ZNF385D: variants seen among roughly 807,000 people sequenced by gnomAD.
The protein encoded by ZNF385D is zinc finger protein 385D.
A neutral mutation model predicts 35.8 loss-of-function variants in ZNF385D; 15 were observed. The ratio of observed to expected loss-of-function variants is 0.42; its 90% CI spans 0.28 to 0.64. The LOEUF (loss-of-function observed/expected upper bound fraction) is 0.64, where lower values mean the gene tolerates loss of function less well. ZNF385D is among the 30% of genes least tolerant of loss of function. The probability of loss-of-function intolerance (pLI) is 0.23; values close to 1 mark genes in which losing one functional copy is unlikely to be tolerated. For missense variants in ZNF385D, 474 were observed against 494.6 expected (o/e 0.96, Z 0.39); for synonymous variants, 212 against 186.8 (o/e 1.13, Z -1.10).
chr3:21,542,414 C>G (rs2062204911), intron 3 of ZNF385D, among the ~76,000 whole-genome samples: 1 of 150,128 alleles, frequency 6.7e-6, no homozygotes, highest in African/African-American at 2.5e-5. Context: ...GTGGTGTGAT[C>G]AGTACCCATT....
rs1317614605 is a variant in ZNF385D, at chr3:22,324,646, T to A, written c.106+47804A>T. Among the ~76,000 whole-genome samples the A allele has an allele frequency of 2.0e-5, 3 of 152,198 alleles. No individual in the cohort carries two copies. The South Asian group carries it at 6.2e-4, about 32-fold the overall frequency. On this transcript the variant is annotated intron_variant, in intron 2 of 5. Coordinates refer to the ZNF385D transcript ENST00000494108. ...ATCTATATATTGGAGGAAAACCCAA[T>A]CAAAATCTCAACAGTATTTTAAAAT... is the stretch of plus-strand genomic sequence containing the variant.
At chr3:22,202,345 T>G (rs995631034) in intron 2 of ZNF385D, among the ~76,000 whole-genome samples, 1 of 152,136 alleles carries the variant, frequency 6.6e-6, no homozygotes, top group East Asian at 1.9e-4. Context: ...TGTCTCCTTC[T>G]CCTCAGAAGC....
At chr3:22,195,990 T>C (rs1168650524) in intron 2 of ZNF385D, among the ~76,000 whole-genome samples, 1 of 151,828 alleles carries the variant, frequency 6.6e-6, no homozygotes, top group Non-Finnish European at 1.5e-5. Context: ...CATGGGCACA[T>C]AGAGGAGAAC....
intron 2 of ZNF385D, among the ~76,000 whole-genome samples, chr3:22,185,926 T>C (rs945501441): frequency 4.6e-5 from 7 of 152,350 alleles, no homozygotes; most frequent in African/African-American, 1.7e-4. Context: ...ATTTATTGCA[T>C]GACAGGACAG....
intron 2 of ZNF385D, among the ~76,000 whole-genome samples, chr3:22,170,893 G>T (rs74559644): frequency 0.039 from 5,881 of 152,226 alleles, 149 homozygotes; most frequent in Non-Finnish European, 0.061. Flanking sequence ...ATTAAAAGCA[G>T]ATCAGGAAAG....
At chr3:22,134,149 A>G (rs1300297140) in intron 3 of ZNF385D, among the ~76,000 whole-genome samples, 2 of 152,184 alleles carry the variant, frequency 1.3e-5, no homozygotes, top group African/African-American at 2.4e-5. Context: ...CAGAATGACT[A>G]AAACCTAACA....
At chr3:21,577,788 G>C (rs1006778943) in intron 2 of ZNF385D, among the ~76,000 whole-genome samples, 3 of 149,050 alleles carry the variant, frequency 2.0e-5, no homozygotes, top group Admixed American at 6.7e-5. Flanking sequence ...TCATATACTT[G>C]TTGGCCATTT....
At chr3:21,825,255 C>G (rs1421238908) in intron 3 of ZNF385D, among the ~76,000 whole-genome samples, 2 of 152,090 alleles carry the variant, frequency 1.3e-5, no homozygotes, top group Non-Finnish European at 2.9e-5. Flanking sequence ...AGGTGAAACC[C>G]CCTTGGCTCT....
At chr3:21,547,163 C>T (rs2062402646) in intron 3 of ZNF385D, among the ~76,000 whole-genome samples, 1 of 152,134 alleles carries the variant, frequency 6.6e-6, no homozygotes, top group Admixed American at 6.5e-5. Context: ...CTATGGGAGA[C>T]TCCCCTCAGA....
intron 3 of ZNF385D, among the ~76,000 whole-genome samples, chr3:21,908,788 T>TA (rs919117792): frequency 3.3e-5 from 5 of 151,928 alleles, no homozygotes; most frequent in South Asian, 2.1e-4. Flanking sequence ...ACTAGTTCTT[T>TA]AAAAAAAACA....
chr3:21,759,018 C>T (rs2070482199), intron 3 of ZNF385D, among the ~76,000 whole-genome samples: 1 of 114,280 alleles, frequency 8.8e-6, no homozygotes, highest in Non-Finnish European at 1.7e-5. Context: ...AGTGGTGATG[C>T]TATTGTAACA....
chr3:22,207,042 C>A (rs1697204628), intron 2 of ZNF385D, among the ~76,000 whole-genome samples: 2 of 151,480 alleles, frequency 1.3e-5, no homozygotes, highest in African/African-American at 4.8e-5. Context: ...AAAGAAGAGC[C>A]AAATAAATAA....
chr3:22,329,906 C>G (rs2125458791), intron 2 of ZNF385D, among the ~76,000 whole-genome samples: 1 of 152,256 alleles, frequency 6.6e-6, no homozygotes, highest in Non-Finnish European at 1.5e-5. Flanking sequence ...ACACTTATCG[C>G]ACATCTCAAT....
intron 3 of ZNF385D, among the ~76,000 whole-genome samples, chr3:22,063,441 TGCAA>T (rs778574153): frequency 3.3e-5 from 5 of 152,204 alleles, no homozygotes; most frequent in Non-Finnish European, 4.4e-5. Flanking sequence ...AAATTTCATC[TGCAA>T]GCAATTTATT....
At chr3:21,520,103 AG>A (rs1319138756) in intron 3 of ZNF385D, among the ~76,000 whole-genome samples, 1 of 152,148 alleles carries the variant, frequency 6.6e-6, no homozygotes, top group Non-Finnish European at 1.5e-5. Flanking sequence ...TGTTTTCCTA[AG>A]GAAAACGTTA....
At position 21,420,334 on chromosome 3, in the gene ZNF385D, TG is replaced by T. The variant is rs939026174; in HGVS notation, c.*879del. 1 of 152,226 alleles carries T rather than the reference TG, an allele frequency of 6.6e-6. No homozygotes were observed. The highest frequency in any genetic ancestry group is 6.5e-5 in the Admixed American group (1 of 15,276). The allele number at this position is 152,226 out of a possible 1,614,324, so 9.4% of individuals were successfully genotyped here. A position where few individuals can be genotyped will look rare whatever the true frequency, so the allele number is the denominator to read the frequency against. On this transcript the variant is annotated 3_prime_UTR_variant, in exon 8 of 8. Coordinates refer to ENST00000281523, the MANE Select transcript of ZNF385D (RefSeq NM_024697.3). ...CATCCTTGAAATAGAAGAGTTGTAT[TG>T]ATTTCTTTCTTAACACTCATGATGC... is the stretch of plus-strand genomic sequence containing the variant.
At chr3:21,931,464 T>A (rs993002136) in intron 3 of ZNF385D, among the ~76,000 whole-genome samples, 1 of 152,152 alleles carries the variant, frequency 6.6e-6, no homozygotes, top group South Asian at 2.1e-4. Context: ...ATGAAAAACG[T>A]ATGTCCACAC....
At chr3:21,523,622 A>G (rs1708048076) in intron 3 of ZNF385D, among the ~76,000 whole-genome samples, 1 of 152,216 alleles carries the variant, frequency 6.6e-6, no homozygotes, top group Admixed American at 6.5e-5. Context: ...TGTTTTGCTT[A>G]TATCCCCAAA....
intron 2 of ZNF385D, among the ~76,000 whole-genome samples, chr3:22,283,607 C>T (rs1056051459): frequency 6.6e-6 from 1 of 152,098 alleles, no homozygotes; most frequent in African/African-American, 2.4e-5. Context: ...CATGTAATAG[C>T]TGTGTGCAGC....
Sources: allele counts gnomAD v4.1 joint callset (sites outside exome capture counted in the v4.1 genomes callset), GRCh38; gene constraint gnomAD v4.1.1; transcripts MANE v1.5; gene names NCBI Gene and HGNC (gene_info 2026-07-23, HGNC 2026-07-21).